Variants in LRRTM4 observed in about 807,000 individuals in gnomAD.
The protein encoded by LRRTM4 is leucine rich repeat transmembrane neuronal 4, also known as leucine-rich repeat transmembrane neuronal protein 4.
In LRRTM4, 25 loss-of-function variants were observed where a neutral mutation model predicts 47.6. That is an observed-to-expected ratio of 0.53 (90% confidence interval 0.38 to 0.73). The LOEUF is 0.73. Among genes scored for constraint, LRRTM4 ranks in the 30% least tolerant of loss-of-function variants. The probability of loss-of-function intolerance (pLI) is 0.00; values close to 1 mark genes in which losing one functional copy is unlikely to be tolerated. For synonymous variants in LRRTM4, 311 were observed against 269.5 expected (o/e 1.15, Z -1.51); for missense variants, 638 against 713.4 (o/e 0.89, Z 1.20).
chr2:76,910,888 T>C (rs1388947307), intron 3 of LRRTM4, among the ~76,000 whole-genome samples: 1 of 152,222 alleles, frequency 6.6e-6, no homozygotes, highest in African/African-American at 2.4e-5. Context: ...TCTGCGTCTG[T>C]ACTAAATAGC....
chr2:77,235,556 T>TA (rs1675083129), intron 3 of LRRTM4, among the ~76,000 whole-genome samples: 1 of 152,208 alleles, frequency 6.6e-6, no homozygotes, highest in Non-Finnish European at 1.5e-5. Context: ...TTGTTGCAAT[T>TA]ACGTTTGAGG....
intron 3 of LRRTM4, among the ~76,000 whole-genome samples, chr2:76,812,760 CT>C: frequency 7.7e-6 from 1 of 129,074 alleles, no homozygotes; most frequent in South Asian, 2.8e-4. Context: ...CCTCCTTCTC[CT>C]CCTCCTCTCC....
intron 3 of LRRTM4, among the ~76,000 whole-genome samples, chr2:77,029,993 TAGTC>T (rs1451778464): frequency 6.6e-6 from 1 of 152,202 alleles, no homozygotes; most frequent in Non-Finnish European, 1.5e-5. Flanking sequence ...AAAGGTCTAG[TAGTC>T]AGCCCATGGA....
rs78077771 is a variant in LRRTM4, at chr2:76,787,794, T to A, written c.1552-38878A>T. ...TCTGACAGATAGAGGTTCACTTGAT[T>A]TTCTTTTCTGTCCAAGGAAAAAGCC... On this transcript the variant is annotated intron_variant, in intron 3 of 3. Coordinates refer to ENST00000409884, the MANE Select transcript of LRRTM4 (RefSeq NM_001134745.3). 2.8e-4 allele frequency among the ~76,000 whole-genome samples: 42 copies of A among 152,194 alleles called. No individual in the cohort carries two copies. In the East Asian group the frequency reaches 7.9e-3, roughly 29 times the overall value.
At chr2:76,868,773 G>T (rs1481931900) in intron 3 of LRRTM4, among the ~76,000 whole-genome samples, 2 of 152,158 alleles carry the variant, frequency 1.3e-5, no homozygotes, top group Non-Finnish European at 2.9e-5. Flanking sequence ...GTCAGACCCA[G>T]ATGAAAGAAC....
intron 3 of LRRTM4, among the ~76,000 whole-genome samples, chr2:76,853,509 T>C (rs1041921093): frequency 3.3e-5 from 5 of 152,140 alleles, no homozygotes; most frequent in African/African-American, 7.2e-5. Context: ...ATTAGAGTTA[T>C]CTTTGGATGA....
intron 3 of LRRTM4, among the ~76,000 whole-genome samples, chr2:77,335,427 G>C (rs1374811377): frequency 6.6e-6 from 1 of 152,028 alleles, no homozygotes; most frequent in Non-Finnish European, 1.5e-5. Context: ...TTTTGCACTT[G>C]CTCTCCCCAC....
intron 3 of LRRTM4, among the ~76,000 whole-genome samples, chr2:77,331,389 G>A (rs1670966844): frequency 6.6e-6 from 1 of 152,084 alleles, no homozygotes; most frequent in Non-Finnish European, 1.5e-5. Flanking sequence ...CAGTGTTGCT[G>A]GGGTAGTGGG....
intron 3 of LRRTM4, among the ~76,000 whole-genome samples, chr2:77,466,562 C>G (rs963313604): frequency 3.3e-5 from 5 of 152,094 alleles, no homozygotes; most frequent in Admixed American, 2.0e-4. Flanking sequence ...ATTTCTTATA[C>G]ACTGTTTTTC....
intron 3 of LRRTM4, among the ~76,000 whole-genome samples, chr2:77,448,085 T>C (rs1676122075): frequency 6.6e-6 from 1 of 152,192 alleles, no homozygotes; most frequent in Non-Finnish European, 1.5e-5. Context: ...ATGTTCCTTT[T>C]CCTTAATCAT....
chr2:77,004,341 C>T (rs902318377), intron 3 of LRRTM4, among the ~76,000 whole-genome samples: 2 of 152,196 alleles, frequency 1.3e-5, no homozygotes, highest in African/African-American at 2.4e-5. Context: ...TGCATCCCAA[C>T]TGCTCTAGTC....
chr2:77,249,293 T>G (rs1675537390), intron 3 of LRRTM4, among the ~76,000 whole-genome samples: 1 of 151,942 alleles, frequency 6.6e-6, no homozygotes, highest in Admixed American at 6.6e-5. Context: ...GAGGTTGCAG[T>G]GAGCCGATAT....
chr2:77,342,009 CT>C (rs1255783245), intron 3 of LRRTM4, among the ~76,000 whole-genome samples: 1 of 151,896 alleles, frequency 6.6e-6, no homozygotes, highest in Non-Finnish European at 1.5e-5. Context: ...GTATCAGAGA[CT>C]TAAAAACATT....
chr2:77,008,147 T>C (rs1677729194), intron 3 of LRRTM4, among the ~76,000 whole-genome samples: 1 of 152,122 alleles, frequency 6.6e-6, no homozygotes. Flanking sequence ...AGAGAATAAG[T>C]AAAAACTTCA....
chr2:76,861,986 T>C (rs528611747), intron 3 of LRRTM4, among the ~76,000 whole-genome samples: 1 of 152,288 alleles, frequency 6.6e-6, no homozygotes, highest in East Asian at 1.9e-4. Context: ...CCTGGACTAT[T>C]CTTTGTGGAG....
Position 77,321,760 on chromosome 2 carries a change from G to A in LRRTM4, c.1551+196558C>T, listed in dbSNP as rs778929062. On this transcript the variant is annotated intron_variant, in intron 3 of 3. Transcript: ENST00000409884. Reference sequence around the variant, plus strand: ...TTTTTATTTTTAAGGAAAGATTATCGTGCAATGAATAAATTTAGAATTTTT... The same window carrying A: ...TTTTTATTTTTAAGGAAAGATTATCATGCAATGAATAAATTTAGAATTTTT... Among the ~76,000 whole-genome samples the A allele has an allele frequency of 1.1e-3, 167 of 151,948 alleles. 1 individual carries two copies. The highest frequency in any genetic ancestry group is 3.5e-4 in the Non-Finnish European group (24 of 67,954).
chr2:77,450,468 G>A (rs1418287814), intron 3 of LRRTM4, among the ~76,000 whole-genome samples: 1 of 152,006 alleles, frequency 6.6e-6, no homozygotes, highest in Admixed American at 6.6e-5. Flanking sequence ...AATAACATAG[G>A]AAGAAAACAG....
intron 3 of LRRTM4, among the ~76,000 whole-genome samples, chr2:76,911,026 C>T (rs548063204): frequency 6.6e-6 from 1 of 152,170 alleles, no homozygotes; most frequent in Non-Finnish European, 1.5e-5. Context: ...GCCAACTTTG[C>T]TGAATACAAG....
intron 3 of LRRTM4, among the ~76,000 whole-genome samples, chr2:77,444,140 T>A (rs951127158): frequency 6.6e-6 from 1 of 152,094 alleles, no homozygotes; most frequent in Non-Finnish European, 1.5e-5. Context: ...AGGAAGATGA[T>A]AATTAAGAAA....
Sources: gnomAD v4.1 joint callset for allele counts (sites outside exome capture counted in the v4.1 genomes callset) on GRCh38, gnomAD v4.1.1 for gene constraint, MANE v1.5 for transcripts, NCBI Gene and HGNC (gene_info 2026-07-23, HGNC 2026-07-21) for gene names.